The following SLCO5A1 variants were observed in gnomAD, a reference collection of about 807,000 sequenced individuals.
SLCO5A1 encodes solute carrier organic anion transporter family member 5A1, also known as organic anion transporter polypeptide-related protein 4.
In SLCO5A1, 39 loss-of-function variants were observed where a neutral mutation model predicts 65.1. That is an observed-to-expected ratio of 0.60 (90% CI 0.46 to 0.78). SLCO5A1 has a LOEUF of 0.78. SLCO5A1 is among the 30% of genes least tolerant of loss of function. The pLI is 0.00. For missense variants in SLCO5A1, 1,029 were observed against 1,069.4 expected, an observed-to-expected ratio of 0.96 and a Z score of 0.53; for synonymous variants, 438 against 415.7, an observed-to-expected ratio of 1.05 and a Z score of -0.65.
At chr8:69,720,798 T>C (rs1195598812) in intron 5 of SLCO5A1, among the ~76,000 whole-genome samples, 2 of 152,226 alleles carry the variant, frequency 1.3e-5, no homozygotes, top group African/African-American at 4.8e-5. Flanking sequence ...TTTTTTTTCC[T>C]AAAGCAAGAG....
At position 69,766,343 on chromosome 8, in the gene SLCO5A1, A is replaced by G. The variant is rs570761719; in HGVS notation, c.908-4468T>C. ...CAGCATGAAACCCATGTGTAGCTAC[A>G]GGGACGTGCCGACACATTGGCACCC... On this transcript the variant is annotated intron_variant, in intron 2 of 9. Coordinates refer to ENST00000260126, the MANE Select transcript of SLCO5A1 (RefSeq NM_030958.3). 2.0e-5 allele frequency among the ~76,000 whole-genome samples: 3 copies of G among 152,264 alleles called. No individual in the cohort carries two copies. In the East Asian group the frequency reaches 5.8e-4, roughly 29 times the overall value.
chr8:69,821,590 C>T (rs1423138044), intron 2 of SLCO5A1, among the ~76,000 whole-genome samples: 1 of 151,968 alleles, frequency 6.6e-6, no homozygotes, highest in African/African-American at 2.4e-5. Flanking sequence ...GGGCAGATCA[C>T]TTGAGGCTAG....
In SLCO5A1 at chr8:69,832,228, A is replaced by G. The variant is rs1821187489; in HGVS notation, c.446T>C (p.Leu149Pro). Residue 149 changes from leucine to proline, a missense_variant, in exon 2 of 10, where the codon CTG becomes CCG. Transcript: ENST00000260126. The surrounding 1 kb of genome is among the most constrained non-coding windows in gnomAD (Gnocchi z 4.5). ...FIQALMVSGY[L>P]SSVITTIERR... ...TTCAATGGTGGTAATTACGCTGCTCAGGTACCCAGAGACCATTAACGCCTG... is the reference window on the plus strand; with the variant it reads ...TTCAATGGTGGTAATTACGCTGCTCGGGTACCCAGAGACCATTAACGCCTG... 6.2e-7 allele frequency: 1 copy of G among 1,614,190 alleles called. No individual in the cohort carries two copies. Among genetic ancestry groups the G allele is most frequent in the African/African-American group, 1.3e-5 (1 of 75,040 alleles).
chr8:69,802,029 A>G (rs1374258453), intron 2 of SLCO5A1, among the ~76,000 whole-genome samples: 1 of 152,176 alleles, frequency 6.6e-6, no homozygotes, highest in Non-Finnish European at 1.5e-5. Context: ...AGAGAGTAGG[A>G]CTTGCTAGAT....
At chr8:69,808,832 T>C (rs948069269) in intron 2 of SLCO5A1, among the ~76,000 whole-genome samples, 3 of 152,050 alleles carry the variant, frequency 2.0e-5, no homozygotes, top group Non-Finnish European at 2.9e-5. Flanking sequence ...GACCCAGGCG[T>C]GGTGGCTCAT....
Position 69,738,043 on chromosome 8 carries a change from T to C in SLCO5A1, c.1420A>G (p.Thr474Ala), listed in dbSNP as rs1816633891. 1 of 1,613,502 alleles carries C rather than the reference T, an allele frequency of 6.2e-7. No individual in the cohort carries two copies. The highest frequency in any genetic ancestry group is 8.5e-7 in the Non-Finnish European group (1 of 1,179,716). Residue 474 changes from threonine to alanine, a missense_variant, in exon 5 of 10, where the codon ACT (threonine) becomes GCT (alanine). Around this residue, in one of 3 missense-constraint regions of SLCO5A1, gnomAD observed 647 missense variants for 647.5 expected, o/e 1.00. Transcript: ENST00000260126. ...AGCCCTAGCGGCAGTGCCTTACCAG[T>C]GTAGATGCTGGCATTGGAGGCTGGG... ...GIPASNASIY[T>A]GVIIVPSAGV...
chr8:69,696,334 G>A (rs569135902), intron 6 of SLCO5A1, among the ~76,000 whole-genome samples: 4 of 152,224 alleles, frequency 2.6e-5, no homozygotes, highest in South Asian at 4.1e-4. Context: ...GAGACAGGCA[G>A]AGGCCGCCTT....
At chr8:69,715,305 A>G (rs552003099) in intron 5 of SLCO5A1, among the ~76,000 whole-genome samples, 1 of 152,362 alleles carries the variant, frequency 6.6e-6, no homozygotes, top group South Asian at 2.1e-4. Context: ...TTTTTCAGCT[A>G]TCAAAATAAG....
chr8:69,825,362 T>C (rs1334089866), intron 2 of SLCO5A1, among the ~76,000 whole-genome samples: 1 of 152,186 alleles, frequency 6.6e-6, no homozygotes, highest in African/African-American at 2.4e-5. Context: ...GATGACATGA[T>C]TGTATATTTA....
intron 2 of SLCO5A1, among the ~76,000 whole-genome samples, chr8:69,762,609 T>C (rs922474847): frequency 6.6e-6 from 1 of 151,868 alleles, no homozygotes; most frequent in Non-Finnish European, 1.5e-5. Context: ...TTTTTTTATG[T>C]CTAAGATAAG....
chr8:69,706,036 G>C (rs1242248383), intron 5 of SLCO5A1, among the ~76,000 whole-genome samples: 3 of 152,150 alleles, frequency 2.0e-5, no homozygotes, highest in Non-Finnish European at 4.4e-5. Flanking sequence ...TAAACCAAAT[G>C]TCCATTAATA....
At chr8:69,742,396 T>G (rs1354314617) in intron 4 of SLCO5A1, among the ~76,000 whole-genome samples, 1 of 152,072 alleles carries the variant, frequency 6.6e-6, no homozygotes, top group Admixed American at 6.6e-5. Context: ...GGAGAGATGA[T>G]GAAATAATGA....
intron 2 of SLCO5A1, among the ~76,000 whole-genome samples, chr8:69,763,476 A>G (rs1015448808): frequency 1.3e-5 from 2 of 151,750 alleles, no homozygotes; most frequent in Non-Finnish European, 2.9e-5. Flanking sequence ...TCAGCCAGGC[A>G]TGGTGATGCA....
At chr8:69,711,962 T>C (rs1815288899) in intron 5 of SLCO5A1, among the ~76,000 whole-genome samples, 1 of 152,248 alleles carries the variant, frequency 6.6e-6, no homozygotes, top group Non-Finnish European at 1.5e-5. Flanking sequence ...AATTCCTATA[T>C]GCTATTTAAT....
Position 69,832,545 on chromosome 8 carries a change from G to A in SLCO5A1, c.129C>T (p.Ser43=). ...GACTGAGGCTTGGCCGGCAGGAGGC[G>A]CTGCTGAGGACCGGTAAACTCTTAG... ...LRSKSLPVLS[S]ASCRPSLSPT... The change falls in exon 2 of 10, where the codon AGC becomes AGT. Residue 43 remains serine, a synonymous_variant. Transcript: ENST00000260126. This position sits in a 1 kb window ranked among gnomAD's most constrained non-coding sequence, Gnocchi z 4.5. 1.9e-6 allele frequency: 3 copies of A among 1,609,076 alleles called. No homozygotes were observed. Among genetic ancestry groups the A allele is most frequent in the Non-Finnish European group, 1.7e-6 (2 of 1,177,740 alleles).
At chr8:69,675,767 C>G (rs575551866) in intron 9 of SLCO5A1, among the ~76,000 whole-genome samples, 4 of 152,168 alleles carry the variant, frequency 2.6e-5, no homozygotes, top group Non-Finnish European at 5.9e-5. Flanking sequence ...AAATTTGAAT[C>G]AAAAAGCAAT....
At chr8:69,676,563 C>G (rs1407302302) in intron 9 of SLCO5A1, 46 bp downstream of exon 9, 1 of 1,554,790 alleles carries the variant, frequency 6.4e-7, no homozygotes. Context: ...AATTTGCCAT[C>G]TGCAAAGAGG....
At chr8:69,716,741 AT>A (rs994607125) in intron 5 of SLCO5A1, among the ~76,000 whole-genome samples, 3 of 148,464 alleles carry the variant, frequency 2.0e-5, no homozygotes, top group African/African-American at 7.4e-5. Context: ...CAGATATATG[AT>A]TTGCAAATAT....
intron 6 of SLCO5A1, among the ~76,000 whole-genome samples, chr8:69,701,085 G>A (rs1205177110): frequency 6.6e-6 from 1 of 152,160 alleles, no homozygotes; most frequent in Non-Finnish European, 1.5e-5. Flanking sequence ...GCCCTGCACA[G>A]ATGACTCCAA....
Sources: gnomAD v4.1 joint callset for allele counts (sites outside exome capture counted in the v4.1 genomes callset) on GRCh38, gnomAD v4.1.1 for gene constraint, gnomAD v4.1.1 regional missense constraint, Gnocchi (gnomAD v3.1) non-coding constraint, MANE v1.5 for transcripts, NCBI Gene and HGNC (gene_info 2026-07-23, HGNC 2026-07-21) for gene names.